The following THEMIS2 variants were observed in gnomAD, a reference collection of about 807,000 sequenced individuals.
THEMIS2 encodes the protein thymocyte selection associated family member 2.
In THEMIS2, 29 loss-of-function variants were observed where a neutral mutation model predicts 46.8. The ratio of observed to expected loss-of-function variants is 0.62; its 90% CI spans 0.46 to 0.84. The LOEUF (loss-of-function observed/expected upper bound fraction) is 0.84, where lower values mean the gene tolerates loss of function less well. Among genes scored for constraint, THEMIS2 ranks in the 40% least tolerant of loss-of-function variants. THEMIS2 has a pLI of 0.00. For missense variants in THEMIS2, 698 were observed against 834.7 expected, an observed-to-expected ratio of 0.84 and a Z score of 2.02; for synonymous variants, 335 against 349.1, an observed-to-expected ratio of 0.96 and a Z score of 0.45.
chr1:27,875,580 C>T (rs867022183), intron 1 of THEMIS2, among the ~76,000 whole-genome samples: 1 of 152,320 alleles, frequency 6.6e-6, no homozygotes. Context: ...GCCACGTAGT[C>T]TGTTGTCCTC....
At chr1:27,878,701 C>G (rs1393229784) in intron 2 of THEMIS2, among the ~76,000 whole-genome samples, 6 of 152,020 alleles carry the variant, frequency 3.9e-5, no homozygotes, top group Non-Finnish European at 5.9e-5. Flanking sequence ...CTCCCCAAAA[C>G]AAGGACATTC....
At chr1:27,873,325 G>A (rs1167455458) in intron 1 of THEMIS2, among the ~76,000 whole-genome samples, 1 of 152,154 alleles carries the variant, frequency 6.6e-6, no homozygotes, top group Non-Finnish European at 1.5e-5. Flanking sequence ...CAAGCGGTGA[G>A]GGAATAACAG....
chr1:27,884,231 G>T (rs1378956873), intron 4 of THEMIS2: 4 of 152,308 alleles, frequency 2.6e-5, no homozygotes, highest in African/African-American at 9.7e-5. Flanking sequence ...CCAACAAGTG[G>T]CAGGGCCAGA....
intron 4 of THEMIS2, chr1:27,883,634 G>A (rs902265519): frequency 5.9e-5 from 9 of 152,290 alleles, no homozygotes; most frequent in African/African-American, 1.9e-4. Flanking sequence ...CGAGAGAAAT[G>A]CCCGCAGCTC....
chr1:27,885,556 G>A, intron 5 of THEMIS2, 105 bp downstream of exon 5: 5 of 1,405,204 alleles, frequency 3.6e-6, no homozygotes, highest in Non-Finnish European at 4.7e-6. Context: ...ACCCTTCTAT[G>A]GTCCCAGTTT....
rs767840420 is a variant in THEMIS2 at position 27,885,842 on chromosome 1, C to G, written c.1877-25C>G. 5 of 1,613,166 alleles carry G rather than the reference C, an allele frequency of 3.1e-6. No homozygotes were observed. The Admixed American group carries it at 8.3e-5, about 27-fold the overall frequency. ...AGGAACTTGCCTAACGCTAAAGATCCTCATTGACTCGGACTCTTTTGCAGA... is the reference window on the plus strand; with the variant it reads ...AGGAACTTGCCTAACGCTAAAGATCGTCATTGACTCGGACTCTTTTGCAGA... On this transcript the variant is annotated intron_variant, in intron 5 of 5. Transcript: ENST00000373921.
At position 27,882,526 on chromosome 1, in the gene THEMIS2, A is replaced by G. The variant is rs866681954; in HGVS notation, c.1202A>G (p.Gln401Arg). The G allele has an allele frequency of 1.2e-5, 20 of 1,613,840 alleles. 1 individual carries two copies. The Middle Eastern group carries it at 2.6e-3, about 213-fold the overall frequency. Residue 401 changes from glutamine (Q) to arginine (R), a missense_variant, in exon 4 of 6, where the codon CAG (glutamine) becomes CGG (arginine). By Grantham distance (43) the Gln-to-Arg change is conservative. Transcript: ENST00000373921. The surrounding 1 kb of genome is among the most constrained non-coding windows in gnomAD (Gnocchi z 7.6). ...TTGGTTTGTCAGCGGCTGAGTGACCAGGCTGGGGAGGATGAGGAGGAAGAG... is the reference window on the plus strand; with the variant it reads ...TTGGTTTGTCAGCGGCTGAGTGACCGGGCTGGGGAGGATGAGGAGGAAGAG... ...DVLVCQRLSD[Q>R]AGEDEEEECK...
chr1:27,884,427 T>C (rs974866166), intron 4 of THEMIS2: 2 of 152,290 alleles, frequency 1.3e-5, no homozygotes, highest in Admixed American at 6.5e-5. Flanking sequence ...AGATGACTCC[T>C]GAGTGGTCTC....
At position 27,876,721 on chromosome 1, in the gene THEMIS2, C is replaced by T; in HGVS notation, c.228C>T (p.Asn76=). 1 of 1,613,826 alleles carries T rather than the reference C, an allele frequency of 6.2e-7. No individual in the cohort carries two copies. Among genetic ancestry groups the T allele is most frequent in the South Asian group, 1.1e-5 (1 of 91,024 alleles). The change falls in exon 2 of 6, where the codon AAC becomes AAT. Residue 76 remains asparagine (N), a synonymous_variant. Coordinates refer to ENST00000373921, the MANE Select transcript of THEMIS2 (RefSeq NM_001105556.3). Reference sequence around the variant, plus strand: ...GCCAGACCATGGAGCTCGCCCCCAACTTCCAGGGTAAGGTGGGCACCTCTG... The same window carrying T: ...GCCAGACCATGGAGCTCGCCCCCAATTTCCAGGGTAAGGTGGGCACCTCTG... The part of the protein sequence containing the change: ...KTSQTMELAP[N]FQGYFTPLNT...
intron 1 of THEMIS2, among the ~76,000 whole-genome samples, chr1:27,875,307 C>T (rs893894989): frequency 6.6e-6 from 1 of 152,212 alleles, no homozygotes; most frequent in Non-Finnish European, 1.5e-5. Context: ...GAAATTGAAA[C>T]TGCCTGTCTC....
chr1:27,881,130 G>GA (rs988310684), intron 3 of THEMIS2, among the ~76,000 whole-genome samples: 1 of 150,910 alleles, frequency 6.6e-6, no homozygotes, highest in Non-Finnish European at 1.5e-5. Context: ...ATACTTGGAG[G>GA]AAAAAAAATA....
chr1:27,886,044 A>G lies in THEMIS2; in HGVS notation c.*122A>G. 1 of 874,478 alleles carries G rather than the reference A, an allele frequency of 1.1e-6. No homozygotes were observed. The highest frequency in any genetic ancestry group is 2.2e-5 in the Admixed American group (1 of 46,262). 54.2% of individuals were successfully genotyped at this position (874,478 alleles called of 1,614,324 possible). ...AGAAACTGAGCTGCAGACGGGGAGT[A>G]GCTTTGTGGAAACTGATTTGATGGA... On this transcript the variant is annotated 3_prime_UTR_variant, in exon 6 of 6. Transcript: ENST00000373921.
At chr1:27,875,054 C>G (rs992513613) in intron 1 of THEMIS2, among the ~76,000 whole-genome samples, 4 of 151,988 alleles carry the variant, frequency 2.6e-5, no homozygotes, top group African/African-American at 9.7e-5. Context: ...TTTCAGCTCA[C>G]TGCAACCTCC....
chr1:27,885,809 A>G (rs1194114586), intron 5 of THEMIS2, 58 bp from the exon 6 acceptor site: 2 of 1,567,880 alleles, frequency 1.3e-6, no homozygotes, highest in Non-Finnish European at 8.8e-7. Flanking sequence ...ACTGCCCTAC[A>G]GAAGGGAAGG....
At chr1:27,874,033 G>GTTTTTTTTTTTTTTTTTT (rs1256524975) in intron 1 of THEMIS2, among the ~76,000 whole-genome samples, 3 of 97,134 alleles carry the variant, frequency 3.1e-5, no homozygotes, top group East Asian at 4.1e-4. Flanking sequence ...TTCAACCTAG[G>GTTTTTTTTTTTTTTTTTT]TTTTTTTTTT....
intron 4 of THEMIS2, 44 bp from the exon 5 acceptor site, chr1:27,885,251 C>T (rs1456699088): frequency 6.2e-7 from 1 of 1,604,304 alleles, no homozygotes; most frequent in Non-Finnish European, 8.5e-7. Flanking sequence ...ACTCTGCTTC[C>T]CCATTTCTTG....
In THEMIS2 at chr1:27,883,013, G is replaced by A; in HGVS notation, c.1689G>A (p.Gln563=). The change falls in exon 4 of 6, where the codon CAG becomes CAA. Residue 563 remains glutamine (Q), a synonymous_variant. Coordinates refer to ENST00000373921, the MANE Select transcript of THEMIS2 (RefSeq NM_001105556.3). The part of the protein sequence containing the change: ...RPPKNQGLSK[Q]RRHSSEGGVK... ...CTAAAAATCAGGGCCTCAGCAAGCAGAGGAGACACAGCAGTGAGGGAGGCG... is the reference window on the plus strand; with the variant it reads ...CTAAAAATCAGGGCCTCAGCAAGCAAAGGAGACACAGCAGTGAGGGAGGCG... 1 of 1,613,558 alleles carries A rather than the reference G, an allele frequency of 6.2e-7. No individual in the cohort carries two copies. Among genetic ancestry groups the A allele is most frequent in the African/African-American group, 1.3e-5 (1 of 74,848 alleles).
chr1:27,876,044 T>C (rs150854373), intron 1 of THEMIS2, among the ~76,000 whole-genome samples: 173 of 152,036 alleles, frequency 1.1e-3, no homozygotes, highest in African/African-American at 4.0e-3. Context: ...ACTTTGCCCA[T>C]TGGGCCTCAC....
chr1:27,881,500 A>G (rs1457577506), intron 3 of THEMIS2, among the ~76,000 whole-genome samples: 2 of 151,406 alleles, frequency 1.3e-5, no homozygotes, highest in African/African-American at 4.9e-5. Flanking sequence ...AATGTGGCGT[A>G]GTGTAAATTG....
Sources: allele counts gnomAD v4.1 joint callset (sites outside exome capture counted in the v4.1 genomes callset), GRCh38; gene constraint gnomAD v4.1.1; non-coding constraint Gnocchi (gnomAD v3.1); transcripts MANE v1.5; gene names NCBI Gene and HGNC (gene_info 2026-07-23, HGNC 2026-07-21).